NKAIN1: variants seen among roughly 807,000 people sequenced by gnomAD.
The protein encoded by NKAIN1 is sodium/potassium transporting ATPase interacting 1.
A neutral mutation model predicts 31.6 loss-of-function variants in NKAIN1; 13 were observed. The observed-to-expected ratio is 0.41, with a 90% CI of 0.27 to 0.65. NKAIN1 has a LOEUF of 0.65. Ranked by LOEUF, NKAIN1 falls within the 30% of genes least tolerant of loss-of-function variation. The pLI is 0.30. For synonymous variants in NKAIN1, 104 were observed against 109.0 expected (o/e 0.95, Z 0.28); for missense variants, 193 against 262.2 (o/e 0.74, Z 1.82).
chr1:31,182,479 G>T, intron 5 of NKAIN1, 51 bp downstream of exon 5: 1 of 1,600,988 alleles, frequency 6.2e-7, no homozygotes, highest in Non-Finnish European at 8.6e-7. Flanking sequence ...TGTCCAGGGT[G>T]CTGAAGGCGC....
intron 4 of NKAIN1, among the ~76,000 whole-genome samples, chr1:31,183,525 CGCAA>C (rs1557648337): frequency 6.9e-6 from 1 of 145,958 alleles, no homozygotes; most frequent in African/African-American, 2.6e-5. Flanking sequence ...CTTGGCTCAC[CGCAA>C]CCTCCACCTC....
intron 1 of NKAIN1, among the ~76,000 whole-genome samples, chr1:31,196,744 A>G (rs998599128): frequency 7.0e-6 from 1 of 142,440 alleles, no homozygotes; most frequent in Non-Finnish European, 1.5e-5. Flanking sequence ...AAATAAATAA[A>G]TAATAAATTC....
chr1:31,199,263 C>T lies in NKAIN1; in HGVS notation c.55-11076G>A, dbSNP rs192956024. 1.6e-3 allele frequency among the ~76,000 whole-genome samples: 245 copies of T among 152,336 alleles called. 2 individuals are homozygous for T. Among genetic ancestry groups the T allele is most frequent in the South Asian group, 1.2e-3 (6 of 4,832 alleles). ...TCTCATCGACTCACTGTGTGACCTT[C>T]GGCAAGTTATCCCCCTCTCTGAGCC... On this transcript the variant is annotated intron_variant, in intron 1 of 6. Transcript: ENST00000373736.
At chr1:31,203,649 A>C (rs1439276374) in intron 1 of NKAIN1, among the ~76,000 whole-genome samples, 2 of 147,136 alleles carry the variant, frequency 1.4e-5, no homozygotes, top group African/African-American at 5.0e-5. Flanking sequence ...CAGTGGCACC[A>C]TCTTGGCTCA....
chr1:31,231,097 T>G, intron 1 of NKAIN1, among the ~76,000 whole-genome samples: 1 of 152,024 alleles, frequency 6.6e-6, no homozygotes, highest in East Asian at 1.9e-4. Context: ...TTGGCCAGGC[T>G]GGTCTCAAAC....
intron 1 of NKAIN1, among the ~76,000 whole-genome samples, chr1:31,232,917 T>TA (rs1049650348): frequency 2.6e-5 from 4 of 152,106 alleles, no homozygotes; most frequent in African/African-American, 9.7e-5. Flanking sequence ...TTAATGGGTA[T>TA]AAAAACCACA....
chr1:31,228,010 A>G (rs1407294592), intron 1 of NKAIN1, among the ~76,000 whole-genome samples: 1 of 152,096 alleles, frequency 6.6e-6, no homozygotes, highest in Non-Finnish European at 1.5e-5. Context: ...CCAGAACACC[A>G]TTTGTCAGCT....
At chr1:31,235,031 T>C (rs1645684646) in intron 1 of NKAIN1, among the ~76,000 whole-genome samples, 1 of 152,244 alleles carries the variant, frequency 6.6e-6, no homozygotes, top group South Asian at 2.1e-4. Flanking sequence ...CTAACGTTTA[T>C]TGATCATTTA....
chr1:31,202,441 GC>G (rs1294433235), intron 1 of NKAIN1, among the ~76,000 whole-genome samples: 1 of 152,176 alleles, frequency 6.6e-6, no homozygotes, highest in Non-Finnish European at 1.5e-5. Flanking sequence ...ACTTTGGGAG[GC>G]CGAGGTGGGC....
intron 1 of NKAIN1, among the ~76,000 whole-genome samples, chr1:31,208,289 A>C (rs1557656506): frequency 6.6e-6 from 1 of 152,096 alleles, no homozygotes; most frequent in Non-Finnish European, 1.5e-5. Context: ...GGTACAGAAG[A>C]AGCACCCAAC....
At chr1:31,197,752 G>A (rs527728499) in intron 1 of NKAIN1, among the ~76,000 whole-genome samples, 2 of 150,962 alleles carry the variant, frequency 1.3e-5, no homozygotes, top group Middle Eastern at 3.4e-3. Context: ...TCACCATGTT[G>A]GCCAGGCTGG....
intron 1 of NKAIN1, among the ~76,000 whole-genome samples, chr1:31,230,486 G>T (rs1235635877): frequency 6.6e-6 from 1 of 152,160 alleles, no homozygotes; most frequent in Non-Finnish European, 1.5e-5. Flanking sequence ...ATGTAAATCA[G>T]GAAAACCTGC....
chr1:31,223,480 G>A (rs1361153103), intron 1 of NKAIN1, among the ~76,000 whole-genome samples: 12 of 151,870 alleles, frequency 7.9e-5, no homozygotes, highest in Non-Finnish European at 1.3e-4. Context: ...TCGCTCTGTC[G>A]CCCAGGCTGG....
At chr1:31,189,193 C>T (rs1250612414) in intron 1 of NKAIN1, among the ~76,000 whole-genome samples, 1 of 152,060 alleles carries the variant, frequency 6.6e-6, no homozygotes, top group Non-Finnish European at 1.5e-5. Context: ...GTGAGCGAGG[C>T]CATGCTAGAT....
rs1199293279 is a variant in NKAIN1 at position 31,233,486 on chromosome 1, C to T, written c.54+6008G>A. Among the ~76,000 whole-genome samples the T allele has an allele frequency of 6.6e-6, 1 of 152,178 alleles. No individual in the cohort carries two copies. Among genetic ancestry groups the T allele is most frequent in the East Asian group, 1.9e-4 (1 of 5,202 alleles). Reference sequence around the variant, plus strand: ...TCTGAGTTTGAATACTCATTCTGCACCTATCATTTATGTGGCCATGGATAA... The same window carrying T: ...TCTGAGTTTGAATACTCATTCTGCATCTATCATTTATGTGGCCATGGATAA... On this transcript the variant is annotated intron_variant, in intron 1 of 6. Coordinates refer to ENST00000373736, the MANE Select transcript of NKAIN1 (RefSeq NM_024522.3). The surrounding 1 kb of genome is among the most constrained non-coding windows in gnomAD (Gnocchi z 4.0).
chr1:31,203,417 G>A (rs1268279442), intron 1 of NKAIN1, among the ~76,000 whole-genome samples: 7 of 152,156 alleles, frequency 4.6e-5, no homozygotes, highest in African/African-American at 9.7e-5. Context: ...AAGCTACCAC[G>A]TTTGAAACGG....
intron 1 of NKAIN1, among the ~76,000 whole-genome samples, chr1:31,188,668 C>T (rs1410222400): frequency 1.3e-5 from 2 of 152,140 alleles, no homozygotes; most frequent in Non-Finnish European, 2.9e-5. Context: ...AAATTGGCCT[C>T]GAATCCTCCT....
chr1:31,230,038 G>A (rs1382205172), intron 1 of NKAIN1, among the ~76,000 whole-genome samples: 1 of 152,120 alleles, frequency 6.6e-6, no homozygotes, highest in Admixed American at 6.6e-5. Context: ...CCATTTTACA[G>A]AAGAGAAGAC....
intron 1 of NKAIN1, among the ~76,000 whole-genome samples, chr1:31,222,126 G>A (rs1274236999): frequency 2.0e-5 from 3 of 152,212 alleles, no homozygotes; most frequent in Admixed American, 6.5e-5. Context: ...GAATCCACCC[G>A]CCTCGGCCTC....
Sources: gnomAD v4.1 joint callset for allele counts (sites outside exome capture counted in the v4.1 genomes callset) on GRCh38, gnomAD v4.1.1 for gene constraint, Gnocchi (gnomAD v3.1) non-coding constraint, MANE v1.5 for transcripts, NCBI Gene and HGNC (gene_info 2026-07-23, HGNC 2026-07-21) for gene names.